The following PFKFB3 variants were observed in gnomAD, a reference collection of about 807,000 sequenced individuals.
PFKFB3 encodes the protein 6-phosphofructo-2-kinase/fructose-2,6-biphosphatase 3, also known as 6-phosphofructo-2-kinase/fructose-2,6-bisphosphatase 3.
PFKFB3 carries 33 observed loss-of-function variants against 68.0 expected under a neutral mutation model. The ratio of observed to expected loss-of-function variants is 0.49; its 90% CI spans 0.37 to 0.65. The LOEUF is 0.65. PFKFB3 is among the 30% of genes least tolerant of loss of function. The pLI, the probability that PFKFB3 is intolerant of heterozygous loss-of-function variation, is 0.00. For synonymous variants in PFKFB3, 315 were observed against 288.2 expected (o/e 1.09, Z -0.94); for missense variants, 586 against 712.2 (o/e 0.82, Z 2.02).
At chr10:6,176,297 G>A (rs187639696) in intron 1 of PFKFB3, among the ~76,000 whole-genome samples, 79 of 152,266 alleles carry the variant, frequency 5.2e-4, no homozygotes, top group African/African-American at 1.8e-3. Context: ...GATGGGAGGG[G>A]GCACGGGGGT....
chr10:6,270,958 C>T, the PFKFB3 span, among the ~76,000 whole-genome samples: 4 of 152,184 alleles, frequency 2.6e-5, no homozygotes, highest in South Asian at 6.2e-4. Context: ...CATTTTTATT[C>T]ATTTCATCCT....
the PFKFB3 span, among the ~76,000 whole-genome samples, chr10:6,281,419 CTG>C: frequency 1.3e-5 from 2 of 151,896 alleles, no homozygotes; most frequent in Non-Finnish European, 2.9e-5. Flanking sequence ...GAAGCCCAGA[CTG>C]TGTAGTTTTG....
the PFKFB3 span, among the ~76,000 whole-genome samples, chr10:6,300,387 G>A: frequency 1.3e-5 from 2 of 152,166 alleles, no homozygotes; most frequent in African/African-American, 2.4e-5. Context: ...TATTGAATAG[G>A]AATAGGTAGT....
Position 6,215,455 on chromosome 10 carries a change from G to A in PFKFB3, c.299+138G>A, listed in dbSNP as rs901705660. 26 of 698,098 alleles carry A rather than the reference G, an allele frequency of 3.7e-5. No individual in the cohort carries two copies. Among genetic ancestry groups the A allele is most frequent in the African/African-American group, 1.1e-4 (6 of 56,608 alleles). 43.2% of individuals were successfully genotyped at this position (698,098 alleles called of 1,614,324 possible). On this transcript the variant is annotated intron_variant, in intron 3 of 14. Coordinates refer to ENST00000379775, the MANE Select transcript of PFKFB3 (RefSeq NM_004566.4). This position sits in a 1 kb window ranked among gnomAD's most constrained non-coding sequence, Gnocchi z 4.3. ...GAATAAGGCTGGGCTGCGGGGCTGCGGGTGTAAGGCTGGGCTGCGGGCTTG... is the reference window on the plus strand; with the variant it reads ...GAATAAGGCTGGGCTGCGGGGCTGCAGGTGTAAGGCTGGGCTGCGGGCTTG...
intron 1 of PFKFB3, among the ~76,000 whole-genome samples, chr10:6,150,469 C>T (rs1841538622): frequency 6.7e-6 from 1 of 150,184 alleles, no homozygotes; most frequent in African/African-American, 2.5e-5. Context: ...ACTAAAAATA[C>T]AAAAATTAAC....
intron 1 of PFKFB3, among the ~76,000 whole-genome samples, chr10:6,178,554 G>A (rs1564600742): frequency 1.1e-5 from 1 of 87,142 alleles, no homozygotes; most frequent in African/African-American, 4.1e-5. Flanking sequence ...CTGACCCGGA[G>A]CTGCTGGAGA....
At chr10:6,206,976 TC>T (rs1843807707) in intron 1 of PFKFB3, among the ~76,000 whole-genome samples, 1 of 147,284 alleles carries the variant, frequency 6.8e-6, no homozygotes, top group African/African-American at 2.6e-5. Flanking sequence ...GCAGAGGGGC[TC>T]CTCACATCCC....
rs1845965172 is a variant in PFKFB3, at chr10:6,235,214, CTGTT to C, written c.*2275_*2278del. 1 of 152,754 alleles carries C rather than the reference CTGTT, an allele frequency of 6.5e-6. No homozygotes were observed. Among genetic ancestry groups the C allele is most frequent in the Non-Finnish European group, 1.5e-5 (1 of 68,010 alleles). The allele number at this position is 152,754 out of a possible 1,614,324, so 9.5% of individuals were successfully genotyped here. A position where few individuals can be genotyped will look rare whatever the true frequency, so the allele number is the denominator to read the frequency against. On this transcript the variant is annotated 3_prime_UTR_variant, in exon 15 of 15. Coordinates refer to ENST00000379775, the MANE Select transcript of PFKFB3 (RefSeq NM_004566.4). ...TCTTCATTTTGAGAGAGAAGAAAAA[CTGTT>C]TGGAACCACACCAATGATATTTTTC...
chr10:6,231,670 C>A, intron 14 of PFKFB3: 1 of 837,924 alleles, frequency 1.2e-6, no homozygotes, highest in Non-Finnish European at 1.4e-6. Flanking sequence ...CACAGCCCGG[C>A]TGGGGCTCTC....
At chr10:6,259,203 CCA>C (rs1296105013), downstream of PFKFB3, among the ~76,000 whole-genome samples, 569 of 150,450 alleles carry the variant, frequency 3.8e-3, 3 homozygotes, top group African/African-American at 0.013. Context: ...ATCCATCCAT[CCA>C]TCCATCCATC....
At chr10:6,307,921 T>C in the PFKFB3 span, among the ~76,000 whole-genome samples, 2 of 152,162 alleles carry the variant, frequency 1.3e-5, no homozygotes, top group Non-Finnish European at 2.9e-5. Context: ...TTAGTTGTCA[T>C]GGGAGTGATT....
chr10:6,196,187 A>G (rs941041454), intron 1 of PFKFB3, among the ~76,000 whole-genome samples: 4 of 148,868 alleles, frequency 2.7e-5, no homozygotes, highest in Admixed American at 2.0e-4. Context: ...GCTGGAGTGC[A>G]CTGGTGCAAT....
intron 1 of PFKFB3, among the ~76,000 whole-genome samples, chr10:6,208,306 C>T (rs950718404): frequency 3.3e-5 from 5 of 150,350 alleles, no homozygotes; most frequent in Non-Finnish European, 7.4e-5. Flanking sequence ...AATTCCTGGC[C>T]TCAAGCAATG....
chr10:6,181,312 G>A (rs758586913), intron 1 of PFKFB3, among the ~76,000 whole-genome samples: 2 of 149,376 alleles, frequency 1.3e-5, no homozygotes, highest in Non-Finnish European at 3.0e-5. Flanking sequence ...GCCTCTGCAC[G>A]CAGCCCACGC....
the PFKFB3 span, among the ~76,000 whole-genome samples, chr10:6,307,476 C>G: frequency 6.6e-6 from 1 of 151,950 alleles, no homozygotes; most frequent in Non-Finnish European, 1.5e-5. Context: ...TGAATTAGGA[C>G]TATAGACTGT....
upstream of PFKFB3, among the ~76,000 whole-genome samples, chr10:6,200,881 G>A (rs1843325096): frequency 6.6e-6 from 1 of 152,220 alleles, no homozygotes; most frequent in Non-Finnish European, 1.5e-5. Context: ...ACCGCTGTCA[G>A]ATGCGTTATC....
the PFKFB3 span, among the ~76,000 whole-genome samples, chr10:6,276,909 A>G: frequency 1.3e-5 from 2 of 151,352 alleles, no homozygotes; most frequent in African/African-American, 2.4e-5. Flanking sequence ...TCTTATAACC[A>G]TCACCCAAAT....
At chr10:6,189,512 CTTTTT>C (rs3084089) in intron 1 of PFKFB3, among the ~76,000 whole-genome samples, 14 of 121,190 alleles carry the variant, frequency 1.2e-4, no homozygotes, top group African/African-American at 2.1e-4. Flanking sequence ...GTGAGGTTCA[CTTTTT>C]TTTTTTTTTT....
At chr10:6,245,319 A>G (rs965845449) in intron 14 of PFKFB3, among the ~76,000 whole-genome samples, 1 of 151,770 alleles carries the variant, frequency 6.6e-6, no homozygotes, top group African/African-American at 2.4e-5. Flanking sequence ...CTGGTCTCGA[A>G]CTCCTGACCT....
Sources: gnomAD v4.1 joint callset for allele counts (sites outside exome capture counted in the v4.1 genomes callset) on GRCh38, gnomAD v4.1.1 for gene constraint, Gnocchi (gnomAD v3.1) non-coding constraint, MANE v1.5 for transcripts, NCBI Gene and HGNC (gene_info 2026-07-23, HGNC 2026-07-21) for gene names.